MPHOSPH9: variants seen among roughly 807,000 people sequenced by gnomAD.
MPHOSPH9 encodes the protein M-phase phosphoprotein 9.
In MPHOSPH9, 88 loss-of-function variants were observed where a neutral mutation model predicts 145.5. That is an observed-to-expected ratio of 0.60 (90% CI 0.51 to 0.72). The LOEUF (loss-of-function observed/expected upper bound fraction) is 0.72, where lower values mean the gene tolerates loss of function less well. MPHOSPH9 is among the 30% of genes least tolerant of loss of function. The probability of loss-of-function intolerance (pLI) is 0.00; values close to 1 mark genes in which losing one functional copy is unlikely to be tolerated. For missense variants in MPHOSPH9, 1,238 were observed against 1,386.6 expected (o/e 0.89, Z 1.70); for synonymous variants, 435 against 486.2 (o/e 0.89, Z 1.39).
rs1248859613 is a variant in MPHOSPH9, at chr12:123,175,276, G to A, written c.2456+1412C>T. Reference sequence around the variant, plus strand: ...CACCATTCTCCTGCCTCAGCCTCCGGAGTAGCTGGGACTACAGGCGCCAGC... The same window carrying A: ...CACCATTCTCCTGCCTCAGCCTCCGAAGTAGCTGGGACTACAGGCGCCAGC... On this transcript the variant is annotated intron_variant, in intron 16 of 23. Coordinates refer to ENST00000606320, the MANE Select transcript of MPHOSPH9 (RefSeq NM_022782.4). Among the ~76,000 whole-genome samples the A allele has an allele frequency of 2.0e-5, 3 of 151,754 alleles. No homozygotes were observed. In the East Asian group the frequency reaches 5.8e-4, roughly 30 times the overall value.
chr12:123,200,962 T>A (rs1166841373), intron 11 of MPHOSPH9, among the ~76,000 whole-genome samples: 2 of 152,092 alleles, frequency 1.3e-5, no homozygotes, highest in Non-Finnish European at 2.9e-5. Context: ...CTCAGCCTCA[T>A]CTTTGCCTTC....
At chr12:123,203,527 C>G in intron 8 of MPHOSPH9, 152 bp from the exon 9 acceptor site, 1 of 716,574 alleles carries the variant, frequency 1.4e-6, no homozygotes, top group Non-Finnish European at 2.2e-6. Context: ...GAAGTCATTA[C>G]CTAGTATGAT....
At position 123,213,345 on chromosome 12, in the gene MPHOSPH9, A is replaced by AT. The variant is rs201607603; in HGVS notation, c.1087+1398dup. On this transcript the variant is annotated intron_variant, in intron 7 of 23. Coordinates refer to ENST00000606320, the MANE Select transcript of MPHOSPH9 (RefSeq NM_022782.4). ...GCTAGGTGTACTAAATGCATTTTCA[A>AT]TTTTTTTTTTTCTTGAGACAAAGTC... Among the ~76,000 whole-genome samples the AT allele has an allele frequency of 3.8e-3, 564 of 149,000 alleles. 5 individuals are homozygous for AT. In the South Asian group the frequency reaches 0.042, roughly 11 times the overall value.
At position 123,214,621 on chromosome 12, in the gene MPHOSPH9, TA is replaced by T. The variant is rs2046881546; in HGVS notation, c.1087+122del. 5 of 727,794 alleles carry T rather than the reference TA, an allele frequency of 6.9e-6. No individual in the cohort carries two copies. In the South Asian group the frequency reaches 8.3e-5, roughly 12 times the overall value. The allele number at this position is 727,794 out of a possible 1,614,324, so 45.1% of individuals were successfully genotyped here. On this transcript the variant is annotated intron_variant, in intron 7 of 23. Coordinates refer to ENST00000606320, the MANE Select transcript of MPHOSPH9 (RefSeq NM_022782.4). Reference sequence around the variant, plus strand: ...TTTACAAAACCATACTACTATACAGTATCATCCCATATGGAGAAATGTAGGC... The same window carrying T: ...TTTACAAAACCATACTACTATACAGTTCATCCCATATGGAGAAATGTAGGC...
intron 6 of MPHOSPH9, 109 bp downstream of exon 6, chr12:123,218,267 C>T: frequency 6.9e-7 from 1 of 1,453,200 alleles, no homozygotes; most frequent in African/African-American, 1.4e-5. Context: ...TATAAATGAA[C>T]AAATTAACAA....
At chr12:123,233,257 G>A (rs1197039075), upstream of MPHOSPH9, 1 of 152,348 alleles carries the variant, frequency 6.6e-6, no homozygotes, top group African/African-American at 2.4e-5. Flanking sequence ...TCCAACCAAA[G>A]AGAGACATCC....
intron 16 of MPHOSPH9, among the ~76,000 whole-genome samples, chr12:123,173,622 C>G (rs1015051725): frequency 2.0e-5 from 3 of 152,118 alleles, no homozygotes; most frequent in African/African-American, 7.2e-5. Flanking sequence ...TCAGGCCTGT[C>G]CAATGAAACC....
At chr12:123,160,646 A>G (rs927966916) in intron 23 of MPHOSPH9, 135 bp downstream of exon 23, 1 of 708,652 alleles carries the variant, frequency 1.4e-6, no homozygotes, top group African/African-American at 1.8e-5. Flanking sequence ...CACTTCCCGT[A>G]AAAGCTAAAA....
chr12:123,183,377 G>T (rs527336241), intron 13 of MPHOSPH9, among the ~76,000 whole-genome samples: 1 of 151,486 alleles, frequency 6.6e-6, no homozygotes, highest in African/African-American at 2.4e-5. Flanking sequence ...GCGAAACCCC[G>T]TCTCTACTAA....
intron 16 of MPHOSPH9, among the ~76,000 whole-genome samples, chr12:123,168,720 C>T (rs997665941): frequency 1.3e-5 from 2 of 152,100 alleles, no homozygotes; most frequent in African/African-American, 4.8e-5. Context: ...CCTCCTCAAA[C>T]CTCCCATCCC....
At chr12:123,213,695 T>C (rs2046839526) in intron 7 of MPHOSPH9, among the ~76,000 whole-genome samples, 1 of 152,158 alleles carries the variant, frequency 6.6e-6, no homozygotes, top group Non-Finnish European at 1.5e-5. Flanking sequence ...CATAACCCCA[T>C]TGTAATTCGA....
chr12:123,207,455 T>C (rs182038272), intron 8 of MPHOSPH9, among the ~76,000 whole-genome samples: 11 of 152,324 alleles, frequency 7.2e-5, no homozygotes, highest in Non-Finnish European at 1.5e-4. Context: ...TACAAGTACA[T>C]TGCCCCATCT....
At chr12:123,174,995 C>A (rs1790123) in intron 16 of MPHOSPH9, among the ~76,000 whole-genome samples, 2 of 152,000 alleles carry the variant, frequency 1.3e-5, no homozygotes, top group Admixed American at 1.3e-4. Flanking sequence ...GCTAACACCA[C>A]CTCTCTCCTA....
rs190045931 is a variant in MPHOSPH9, at chr12:123,208,266, G to A, written c.1194+1790C>T. ...AGAAAATCCAGCAAATTGGCCGGGC[G>A]CAGTGGTGCATGCCTGTAATTCCAG... On this transcript the variant is annotated intron_variant, in intron 8 of 23. Transcript: ENST00000606320. Among the ~76,000 whole-genome samples the A allele has an allele frequency of 1.6e-3, 245 of 151,356 alleles. 3 individuals carry two copies. The highest frequency in any genetic ancestry group is 5.5e-3 in the African/African-American group (227 of 41,276).
chr12:123,179,954 C>T lies in MPHOSPH9; in HGVS notation c.2326G>A (p.Ala776Thr). ...TTCAAATCAGAAATCTGAGTATATG[C>T]ATCAAGCAATTTGTTCTCAGTTGTA... ...LNTTENKLLDAYTQISDLKRM... is the reference protein window; with the variant it reads ...LNTTENKLLDTYTQISDLKRM... Residue 776 changes from alanine (A) to threonine (T), a missense_variant, in exon 15 of 24, where the codon GCA becomes ACA. Ala to Thr is a moderately conservative substitution (Grantham distance 58). This residue lies in a region of MPHOSPH9 where 837 missense variants were observed against 897.5 expected (regional missense o/e 0.93). Coordinates refer to ENST00000606320, the MANE Select transcript of MPHOSPH9 (RefSeq NM_022782.4). 6.9e-7 allele frequency: 1 copy of T among 1,458,440 alleles called. No homozygotes were observed. The highest frequency in any genetic ancestry group is 9.3e-7 in the Non-Finnish European group (1 of 1,079,798). 90.3% of individuals were successfully genotyped at this position (1,458,440 alleles called of 1,614,324 possible).
chr12:123,228,627 G>C (rs986439285), intron 2 of MPHOSPH9, among the ~76,000 whole-genome samples: 1 of 152,044 alleles, frequency 6.6e-6, no homozygotes, highest in Non-Finnish European at 1.5e-5. Context: ...CACGGAGATC[G>C]CAATGAGCTG....
At chr12:123,170,575 C>A (rs1280286534) in intron 16 of MPHOSPH9, among the ~76,000 whole-genome samples, 2 of 152,146 alleles carry the variant, frequency 1.3e-5, no homozygotes, top group Non-Finnish European at 2.9e-5. Context: ...AGCCACCACA[C>A]CTGGCCTTTA....
At chr12:123,182,813 C>T (rs2045247970) in intron 13 of MPHOSPH9, among the ~76,000 whole-genome samples, 1 of 151,352 alleles carries the variant, frequency 6.6e-6, no homozygotes, top group South Asian at 2.1e-4. Context: ...ACTTGGGTGG[C>T]TGAGGTGGGA....
At chr12:123,235,379 AAGTC>A (rs2047829176), upstream of MPHOSPH9, among the ~76,000 whole-genome samples, 1 of 151,968 alleles carries the variant, frequency 6.6e-6, no homozygotes, top group Non-Finnish European at 1.5e-5. Flanking sequence ...CAAATACAGA[AAGTC>A]AGGCTGGTCC....
Sources: allele counts gnomAD v4.1 joint callset (sites outside exome capture counted in the v4.1 genomes callset), GRCh38; gene constraint gnomAD v4.1.1; regional missense constraint gnomAD v4.1.1; transcripts MANE v1.5; gene names NCBI Gene and HGNC (gene_info 2026-07-23, HGNC 2026-07-21).